LRRC37B: variants seen among roughly 807,000 people sequenced by gnomAD.
LRRC37B encodes the protein leucine rich repeat containing 37B, also known as leucine-rich repeat-containing protein 37B.
Under a neutral mutation model 98.3 loss-of-function variants are expected in LRRC37B, and 28 were observed. The observed-to-expected ratio is 0.28, with a 90% CI of 0.21 to 0.39. The LOEUF is 0.39. Among genes scored for constraint, LRRC37B ranks in the 10% least tolerant of loss-of-function variants. The pLI is 1.00. For missense variants in LRRC37B, 938 were observed against 1,182.7 expected, an observed-to-expected ratio of 0.79 and a Z score of 3.03; for synonymous variants, 364 against 442.7, an observed-to-expected ratio of 0.82 and a Z score of 2.23.
chr17:32,040,346 G>A, intron 7 of LRRC37B: 3 of 385,144 alleles, frequency 7.8e-6, no homozygotes, highest in Non-Finnish European at 1.5e-5. Context: ...GCAAGCACGT[G>A]GTGGGGCCCC....
rs148686604 is a variant in LRRC37B, at chr17:32,049,321, C to T, written c.2684C>T (p.Thr895Met). The T allele has an allele frequency of 4.9e-4, 797 of 1,613,344 alleles. 3 individuals carry two copies. The African/African-American group carries it at 9.0e-3, about 18-fold the overall frequency. The change falls in exon 10 of 12, where the codon ACG becomes ATG. Residue 895 changes from threonine (T) to methionine (M), a missense_variant. Around this residue, in one of 2 missense-constraint regions of LRRC37B, gnomAD observed 328 missense variants for 557.0 expected, o/e 0.59. Transcript: ENST00000327564. ...AAGGCATTGAATGTAGAATGGGATA[C>T]GGACCAACAAAAAACAAATTATATT...
exon 1 of LRRC37B, chr17:32,021,695 C>A: frequency 6.2e-7 from 1 of 1,614,224 alleles, no homozygotes; most frequent in Admixed American, 1.7e-5. Context: ...CAAGACCAAC[C>A]AAATTTGTTG....
chr17:32,038,729 A>G (rs1212667239), intron 7 of LRRC37B, among the ~76,000 whole-genome samples: 4 of 152,044 alleles, frequency 2.6e-5, no homozygotes, highest in Non-Finnish European at 5.9e-5. Flanking sequence ...GTGGTGGCCC[A>G]TGCCTGTAAT....
chr17:32,033,011 A>C (rs1282885775), intron 5 of LRRC37B, among the ~76,000 whole-genome samples: 1 of 152,150 alleles, frequency 6.6e-6, no homozygotes, highest in East Asian at 1.9e-4. Context: ...TAAAAATACA[A>C]AAATTAGCTG....
intron 7 of LRRC37B, chr17:32,040,373 TCA>T: frequency 2.3e-6 from 1 of 441,374 alleles, no homozygotes; most frequent in Non-Finnish European, 4.3e-6. Flanking sequence ...GTGCAGAGGG[TCA>T]CGCACCTGGG....
chr17:32,048,459 C>G (rs2142262673), intron 9 of LRRC37B, among the ~76,000 whole-genome samples: 1 of 150,332 alleles, frequency 6.7e-6, no homozygotes, highest in African/African-American at 2.5e-5. Context: ...GCAGTCTCCT[C>G]TGTGCTGAAA....
chr17:32,015,163 AT>A (rs1401993219), intron 1 of LRRC37B, among the ~76,000 whole-genome samples: 3 of 152,170 alleles, frequency 2.0e-5, no homozygotes, highest in Non-Finnish European at 4.4e-5. Flanking sequence ...CTAGCTGGTG[AT>A]TTTTATATTA....
intron 7 of LRRC37B, among the ~76,000 whole-genome samples, chr17:32,039,626 A>G (rs1224617660): frequency 5.0e-5 from 7 of 139,598 alleles, no homozygotes; most frequent in South Asian, 2.2e-4. Flanking sequence ...TATTTCTGCA[A>G]GGCCCTATTG....
At chr17:32,029,686 C>T (rs1337779139) in intron 3 of LRRC37B, among the ~76,000 whole-genome samples, 1 of 152,052 alleles carries the variant, frequency 6.6e-6, no homozygotes, top group Non-Finnish European at 1.5e-5. Context: ...GCCATGAGTA[C>T]CTGTAGATTA....
chr17:32,032,029 C>T (rs1023651412), intron 5 of LRRC37B, among the ~76,000 whole-genome samples: 1 of 151,720 alleles, frequency 6.6e-6, no homozygotes, highest in Non-Finnish European at 1.5e-5. Context: ...GCCTATAATC[C>T]CAGCACCTTG....
chr17:32,019,058 C>A (rs1910707065), upstream of LRRC37B, among the ~76,000 whole-genome samples: 1 of 152,156 alleles, frequency 6.6e-6, no homozygotes, highest in African/African-American at 2.4e-5. Context: ...TCCTGAGTAG[C>A]TGGGATTATA....
At chr17:32,021,301 C>A in exon 1 of LRRC37B, 1 of 1,613,552 alleles carries the variant, frequency 6.2e-7, no homozygotes, top group Non-Finnish European at 8.5e-7. Flanking sequence ...TCTTCCCGCT[C>A]CTCCCATCTC....
At chr17:32,019,153 C>T (rs554227939), upstream of LRRC37B, among the ~76,000 whole-genome samples, 21 of 152,224 alleles carry the variant, frequency 1.4e-4, no homozygotes, top group Non-Finnish European at 2.9e-4. Context: ...TCTCGAACTC[C>T]TGACCTCAGG....
Position 32,049,412 on chromosome 17 carries a change from A to G in LRRC37B, c.2757+18A>G, listed in dbSNP as rs768783502. The G allele has an allele frequency of 5.0e-6, 8 of 1,599,964 alleles. No homozygotes were observed. The highest frequency in any genetic ancestry group is 6.8e-6 in the Non-Finnish European group (8 of 1,171,252). Reference sequence around the variant, plus strand: ...CAAGTGAGGTGAGGACCACACAGAAACATGAGACCCAGATTTCCCATCATT... The same window carrying G: ...CAAGTGAGGTGAGGACCACACAGAAGCATGAGACCCAGATTTCCCATCATT... On this transcript the variant is annotated intron_variant, in intron 10 of 11. Coordinates refer to ENST00000327564, the Ensembl canonical transcript of LRRC37B.
chr17:32,041,884 G>A (rs2470254), intron 7 of LRRC37B: 391 of 454,540 alleles, frequency 8.6e-4, no homozygotes, highest in Admixed American at 1.7e-3. Context: ...CCCCACCTCC[G>A]TCCTGACCCC....
Position 32,024,674 on chromosome 17 carries a change from G to T in LRRC37B, c.1761-37G>T, listed in dbSNP as rs775276610. The stretch of plus-strand genomic sequence containing the variant: ...TTTATTTATCCTGTTCATTCTTTGC[G>T]TGCCTATTCAAGGATATAAACTGTC... On this transcript the variant is annotated intron_variant, in intron 1 of 11. Transcript: ENST00000327564. 6.8e-6 allele frequency: 11 copies of T among 1,606,286 alleles called. No individual in the cohort carries two copies. The Admixed American group carries it at 8.4e-5, about 12-fold the overall frequency.
chr17:32,044,585 A>C (rs1911525572), intron 7 of LRRC37B, among the ~76,000 whole-genome samples: 1 of 152,102 alleles, frequency 6.6e-6, no homozygotes, highest in African/African-American at 2.4e-5. Context: ...AGATCTCTCC[A>C]CTGTGGTTAT....
chr17:32,048,911 G>A, intron 9 of LRRC37B, 191 bp from the exon 13 acceptor site: 1 of 1,462,062 alleles, frequency 6.8e-7, no homozygotes. Flanking sequence ...AGACACAAAA[G>A]AGATGTGTTC....
chr17:32,023,215 G>A (rs1439861103), intron 1 of LRRC37B, among the ~76,000 whole-genome samples: 4 of 150,018 alleles, frequency 2.7e-5, no homozygotes, highest in South Asian at 2.1e-4. Flanking sequence ...TCCGTCTCCC[G>A]GGTTCAAGTG....
Sources: gnomAD v4.1 joint callset for allele counts (sites outside exome capture counted in the v4.1 genomes callset) on GRCh38, gnomAD v4.1.1 for gene constraint, gnomAD v4.1.1 regional missense constraint, MANE v1.5 for transcripts, NCBI Gene and HGNC (gene_info 2026-07-23, HGNC 2026-07-21) for gene names.